C1GALT1: variants seen among roughly 807,000 people sequenced by gnomAD.
C1GALT1 encodes glycoprotein-N-acetylgalactosamine 3-beta-galactosyltransferase 1.
C1GALT1 carries 11 observed loss-of-function variants against 31.0 expected under a neutral mutation model. That is an observed-to-expected ratio of 0.36 (90% CI 0.22 to 0.59). The LOEUF is 0.59. Among genes scored for constraint, C1GALT1 ranks in the 20% least tolerant of loss-of-function variants. The pLI, the probability that C1GALT1 is intolerant of heterozygous loss-of-function variation, is 0.79. For synonymous variants in C1GALT1, 175 were observed against 143.6 expected, an observed-to-expected ratio of 1.22 and a Z score of -1.56; for missense variants, 424 against 425.2, an observed-to-expected ratio of 1.00 and a Z score of 0.03.
intron 1 of C1GALT1, among the ~76,000 whole-genome samples, chr7:7,216,149 G>A (rs1207635533): frequency 6.6e-6 from 1 of 152,142 alleles, no homozygotes; most frequent in African/African-American, 2.4e-5. Context: ...GGAAGTTCCA[G>A]TGTTTGAGAG....
chr7:7,239,403 T>C (rs1425013573), intron 3 of C1GALT1, among the ~76,000 whole-genome samples: 3 of 152,130 alleles, frequency 2.0e-5, no homozygotes, highest in African/African-American at 7.2e-5. Context: ...AGAGAGCAAG[T>C]TGGGTGAAGA....
chr7:7,219,080 C>G (rs553739406), intron 1 of C1GALT1, among the ~76,000 whole-genome samples: 1 of 152,076 alleles, frequency 6.6e-6, no homozygotes, highest in Non-Finnish European at 1.5e-5. Context: ...CTTCGTGATC[C>G]GCCCGCCTCG....
rs186488527 is a variant in C1GALT1 at position 7,193,161 on chromosome 7, C to G, written c.-18+10341C>G. Among the ~76,000 whole-genome samples the G allele has an allele frequency of 7.2e-5, 11 of 152,148 alleles. No homozygotes were observed. In the East Asian group the frequency reaches 1.7e-3, roughly 24 times the overall value. ...CAGAATCTTTTTAGTTTAATTAAGT[C>G]CCATCTATTTGTCTTTGTTTTTGTT... On this transcript the variant is annotated intron_variant, in intron 1 of 3. Coordinates refer to ENST00000436587, the MANE Select transcript of C1GALT1 (RefSeq NM_020156.5).
chr7:7,222,160 G>T (rs1051547980), intron 1 of C1GALT1, among the ~76,000 whole-genome samples: 1 of 152,124 alleles, frequency 6.6e-6, no homozygotes, highest in African/African-American at 2.4e-5. Flanking sequence ...CCAACTTAAC[G>T]ATAACTACTA....
intron 1 of C1GALT1, among the ~76,000 whole-genome samples, chr7:7,206,923 T>C (rs947138062): frequency 6.6e-6 from 1 of 152,232 alleles, no homozygotes; most frequent in Non-Finnish European, 1.5e-5. Context: ...CATTATAATA[T>C]ATTTTGCTGT....
chr7:7,184,726 C>A (rs1414512378), intron 1 of C1GALT1, among the ~76,000 whole-genome samples: 1 of 152,182 alleles, frequency 6.6e-6, no homozygotes, highest in East Asian at 1.9e-4. Context: ...AAATGGAAAG[C>A]TTGATGCTGA....
chr7:7,189,897 AG>A (rs1370139607), intron 1 of C1GALT1, among the ~76,000 whole-genome samples: 15 of 151,594 alleles, frequency 9.9e-5, no homozygotes, highest in Non-Finnish European at 2.2e-4. Flanking sequence ...TTTCCCCAAA[AG>A]ATTAATTAAT....
intron 2 of C1GALT1, among the ~76,000 whole-genome samples, chr7:7,237,059 T>A (rs962143240): frequency 6.6e-6 from 1 of 152,228 alleles, no homozygotes; most frequent in African/African-American, 2.4e-5. Context: ...GTCTGCTTAT[T>A]TGGGAGTAAG....
intron 2 of C1GALT1, among the ~76,000 whole-genome samples, chr7:7,165,622 C>A (rs563388775): frequency 6.6e-6 from 1 of 152,174 alleles, no homozygotes; most frequent in South Asian, 2.1e-4. Context: ...AAGGCATGTA[C>A]TGCTATATCT....
At chr7:7,164,761 T>TG (rs1255761979) in intron 2 of C1GALT1, among the ~76,000 whole-genome samples, 2 of 152,096 alleles carry the variant, frequency 1.3e-5, no homozygotes, top group Non-Finnish European at 2.9e-5. Context: ...TGAGGGGGCA[T>TG]GGCTTTAAGT....
At chr7:7,226,699 C>T (rs1583815637) in intron 1 of C1GALT1, among the ~76,000 whole-genome samples, 2 of 152,118 alleles carry the variant, frequency 1.3e-5, no homozygotes, top group Admixed American at 1.3e-4. Flanking sequence ...AAAAAAACTG[C>T]TTGCTGAAAC....
At chr7:7,178,163 TC>T (rs1338325077), upstream of C1GALT1, 1 of 208,872 alleles carries the variant, frequency 4.8e-6, no homozygotes, top group African/African-American at 2.3e-5. Flanking sequence ...AGAATTTAGA[TC>T]TGTAGATTCT....
At chr7:7,165,906 G>T (rs1402630210) in intron 2 of C1GALT1, among the ~76,000 whole-genome samples, 2 of 152,086 alleles carry the variant, frequency 1.3e-5, no homozygotes, top group Non-Finnish European at 2.9e-5. Flanking sequence ...TTACCATCAG[G>T]TTATGTGTAT....
chr7:7,194,974 G>A (rs1781222158), intron 1 of C1GALT1, among the ~76,000 whole-genome samples: 1 of 152,118 alleles, frequency 6.6e-6, no homozygotes, highest in Non-Finnish European at 1.5e-5. Context: ...GGGGTTCATA[G>A]TAGCCTTGAA....
intron 1 of C1GALT1, among the ~76,000 whole-genome samples, chr7:7,220,714 G>A (rs1782472572): frequency 6.6e-6 from 1 of 150,574 alleles, no homozygotes; most frequent in African/African-American, 2.5e-5. Context: ...TAGAGATGGG[G>A]TTTCACCATG....
chr7:7,216,341 T>C (rs1482194323), intron 1 of C1GALT1, among the ~76,000 whole-genome samples: 1 of 152,248 alleles, frequency 6.6e-6, no homozygotes, highest in East Asian at 1.9e-4. Flanking sequence ...TTAAATGTGC[T>C]CCCCCATGGT....
chr7:7,236,771 G>A lies in C1GALT1; in HGVS notation c.221-1484G>A, dbSNP rs147360052. Among the ~76,000 whole-genome samples the A allele has an allele frequency of 2.0e-5, 3 of 152,130 alleles. No homozygotes were observed. The East Asian group carries it at 5.8e-4, about 29-fold the overall frequency. ...GAACTCCTGACCTCGTGATCTACCC[G>A]CCTCAGCCTCCCAAAGTGCTGGGAT... On this transcript the variant is annotated intron_variant, in intron 2 of 3. Transcript: ENST00000436587.
At chr7:7,233,663 T>G (rs928491053) in intron 1 of C1GALT1, among the ~76,000 whole-genome samples, 1 of 152,344 alleles carries the variant, frequency 6.6e-6, no homozygotes, top group Non-Finnish European at 1.5e-5. Context: ...AGGGCAAAAG[T>G]AGCCGCAGTC....
chr7:7,208,481 A>C (rs144501763), intron 1 of C1GALT1, among the ~76,000 whole-genome samples: 1 of 151,778 alleles, frequency 6.6e-6, no homozygotes, highest in Non-Finnish European at 1.5e-5. Flanking sequence ...GTGAATTTCT[A>C]TTTTCCCTTG....
Sources: allele counts gnomAD v4.1 joint callset (sites outside exome capture counted in the v4.1 genomes callset), GRCh38; gene constraint gnomAD v4.1.1; transcripts MANE v1.5; gene names NCBI Gene and HGNC (gene_info 2026-07-23, HGNC 2026-07-21).